The following EPB41L5 variants were observed in gnomAD, a reference collection of about 807,000 sequenced individuals.
The protein encoded by EPB41L5 is erythrocyte membrane protein band 4.1 like 5.
EPB41L5 carries 55 observed loss-of-function variants against 106.6 expected under a neutral mutation model. That is an observed-to-expected ratio of 0.52 (90% CI 0.42 to 0.65). The LOEUF is 0.65. Ranked by LOEUF, EPB41L5 falls within the 30% of genes least tolerant of loss-of-function variation. The pLI, the probability that EPB41L5 is intolerant of heterozygous loss-of-function variation, is 0.00. For missense variants in EPB41L5, 871 were observed against 882.1 expected, an observed-to-expected ratio of 0.99 and a Z score of 0.16; for synonymous variants, 297 against 306.7, an observed-to-expected ratio of 0.97 and a Z score of 0.33.
Position 120,061,031 on chromosome 2 carries a change from G to GTTTTTTTTTTTTTTTTTTTT in EPB41L5, c.286-12139_286-12120dup, listed in dbSNP as rs375754153. 1.2e-4 allele frequency among the ~76,000 whole-genome samples: 8 copies of GTTTTTTTTTTTTTTTTTTTT among 69,128 alleles called. 3 individuals are homozygous for GTTTTTTTTTTTTTTTTTTTT. Among genetic ancestry groups the GTTTTTTTTTTTTTTTTTTTT allele is most frequent in the Non-Finnish European group, 2.0e-4 (8 of 39,326 alleles). 45.4% of individuals were successfully genotyped at this position (69,128 alleles called of 152,430 possible). On this transcript the variant is annotated intron_variant, in intron 3 of 24. Transcript: ENST00000263713. The stretch of plus-strand genomic sequence containing the variant: ...TTAGAATTTTAACTGGTTCAGGGAA[G>GTTTTTTTTTTTTTTTTTTTT]TTTTTTTTTTTTTTTTTTTTTTTTT...
intron 3 of EPB41L5, among the ~76,000 whole-genome samples, chr2:120,065,888 G>A (rs891874243): frequency 1.3e-5 from 2 of 152,034 alleles, no homozygotes; most frequent in Admixed American, 6.6e-5. Flanking sequence ...AACTTATTCT[G>A]TCAAAATTTA....
intron 19 of EPB41L5, 85 bp downstream of exon 19, chr2:120,143,216 T>C: frequency 7.7e-7 from 1 of 1,300,146 alleles, no homozygotes. Flanking sequence ...TAAATTCTAA[T>C]CAAGCTAGAT....
intron 16 of EPB41L5, chr2:120,101,560 G>A (rs1283169375): frequency 1.3e-5 from 2 of 152,080 alleles, no homozygotes; most frequent in Non-Finnish European, 2.9e-5. Context: ...ATAATTCATA[G>A]GATTTTTCTC....
chr2:120,087,528 C>G (rs1054403937), intron 11 of EPB41L5, among the ~76,000 whole-genome samples: 4 of 152,186 alleles, frequency 2.6e-5, no homozygotes, highest in African/African-American at 9.7e-5. Flanking sequence ...GTCACCCAGG[C>G]TGGAGGGCAG....
intron 16 of EPB41L5, among the ~76,000 whole-genome samples, chr2:120,117,356 T>C (rs1248541399): frequency 6.6e-6 from 1 of 152,230 alleles, no homozygotes; most frequent in Non-Finnish European, 1.5e-5. Flanking sequence ...TTCTTCATGG[T>C]TCTCCTTTTT....
intron 10 of EPB41L5, among the ~76,000 whole-genome samples, chr2:120,080,959 T>G (rs1040535761): frequency 1.3e-5 from 2 of 151,280 alleles, no homozygotes; most frequent in Non-Finnish European, 3.0e-5. Context: ...GGGTTGTTTG[T>G]TTTTTTTTCT....
chr2:120,095,322 A>G (rs1683672669), intron 14 of EPB41L5, among the ~76,000 whole-genome samples: 1 of 152,086 alleles, frequency 6.6e-6, no homozygotes, highest in South Asian at 2.1e-4. Context: ...TCCAGTTTTC[A>G]TATGGTTGCT....
At chr2:120,058,743 T>C (rs545842364) in intron 3 of EPB41L5, among the ~76,000 whole-genome samples, 2 of 152,304 alleles carry the variant, frequency 1.3e-5, no homozygotes, top group African/African-American at 4.8e-5. Flanking sequence ...ATTTCAAGGC[T>C]AAATTGTCTA....
At chr2:120,057,590 C>G (rs1314923936) in intron 3 of EPB41L5, among the ~76,000 whole-genome samples, 1 of 151,384 alleles carries the variant, frequency 6.6e-6, no homozygotes, top group African/African-American at 2.4e-5. Flanking sequence ...GTGAGTTTTT[C>G]TGTTTAAATC....
At chr2:120,162,571 T>C (rs1054978276) in intron 21 of EPB41L5, among the ~76,000 whole-genome samples, 1 of 152,238 alleles carries the variant, frequency 6.6e-6, no homozygotes, top group African/African-American at 2.4e-5. Context: ...TCTTTTCTGC[T>C]GATGAAAATC....
intron 16 of EPB41L5, among the ~76,000 whole-genome samples, chr2:120,127,267 A>G (rs1481661030): frequency 6.6e-6 from 1 of 152,202 alleles, no homozygotes; most frequent in African/African-American, 2.4e-5. Context: ...AGAAATGAAT[A>G]AAACCATTTG....
At chr2:120,082,441 G>A (rs941080395) in intron 10 of EPB41L5, among the ~76,000 whole-genome samples, 25 of 152,162 alleles carry the variant, frequency 1.6e-4, no homozygotes, top group South Asian at 6.2e-4. Flanking sequence ...CCAGCCTTGC[G>A]TCCCAGGGAT....
chr2:120,124,116 T>G (rs1685352362), intron 16 of EPB41L5, among the ~76,000 whole-genome samples: 1 of 152,204 alleles, frequency 6.6e-6, no homozygotes, highest in Non-Finnish European at 1.5e-5. Flanking sequence ...TTCGTGCTTC[T>G]CATTAGTGTG....
intron 10 of EPB41L5, among the ~76,000 whole-genome samples, chr2:120,081,813 G>C (rs1682689926): frequency 6.6e-6 from 1 of 152,154 alleles, no homozygotes; most frequent in Admixed American, 6.5e-5. Flanking sequence ...CCTCCTTGAA[G>C]AGGTCCTTCA....
chr2:120,162,481 G>C (rs1426627811), intron 21 of EPB41L5, among the ~76,000 whole-genome samples: 3 of 152,052 alleles, frequency 2.0e-5, no homozygotes, highest in African/African-American at 7.2e-5. Context: ...GTGTATAGTT[G>C]GTATTTAGGT....
intron 10 of EPB41L5, among the ~76,000 whole-genome samples, chr2:120,081,634 A>G (rs560793564): frequency 1.3e-5 from 2 of 152,250 alleles, no homozygotes; most frequent in South Asian, 4.1e-4. Flanking sequence ...AGTTTTTTCC[A>G]ATTCTGTGAA....
chr2:120,074,216 G>A, intron 5 of EPB41L5, 38 bp downstream of exon 5: 1 of 1,494,876 alleles, frequency 6.7e-7, no homozygotes, highest in Non-Finnish European at 9.2e-7. Flanking sequence ...GGGTTATTTT[G>A]ATAGTTTTGA....
At chr2:120,034,948 C>A (rs1433576778) in intron 2 of EPB41L5, among the ~76,000 whole-genome samples, 2 of 152,142 alleles carry the variant, frequency 1.3e-5, no homozygotes, top group Non-Finnish European at 2.9e-5. Flanking sequence ...TTTTTCATTT[C>A]CAATAATGAC....
intron 16 of EPB41L5, among the ~76,000 whole-genome samples, chr2:120,120,697 A>C (rs927305176): frequency 6.6e-6 from 1 of 152,218 alleles, no homozygotes; most frequent in East Asian, 1.9e-4. Flanking sequence ...AAAGGTCTTC[A>C]TATGGTATTG....
Sources: allele counts gnomAD v4.1 joint callset (sites outside exome capture counted in the v4.1 genomes callset), GRCh38; gene constraint gnomAD v4.1.1; transcripts MANE v1.5; gene names NCBI Gene and HGNC (gene_info 2026-07-23, HGNC 2026-07-21).